The following ERGIC1 variants were observed in gnomAD, a reference collection of about 807,000 sequenced individuals.
The protein encoded by ERGIC1 is endoplasmic reticulum-golgi intermediate compartment 1, also known as endoplasmic reticulum-Golgi intermediate compartment protein 1.
In ERGIC1, 19 loss-of-function variants were observed where a neutral mutation model predicts 38.3. That is an observed-to-expected ratio of 0.50 (90% confidence interval 0.35 to 0.73). ERGIC1 has a LOEUF of 0.73. ERGIC1 is among the 30% of genes least tolerant of loss of function. ERGIC1 has a pLI of 0.01. For missense variants in ERGIC1, 294 were observed against 389.2 expected, an observed-to-expected ratio of 0.76 and a Z score of 2.06; for synonymous variants, 124 against 157.6, an observed-to-expected ratio of 0.79 and a Z score of 1.60.
Position 172,834,409 on chromosome 5 carries a change from G to T in ERGIC1, c.-5G>T. 7.5e-7 allele frequency: 1 copy of T among 1,333,920 alleles called. No homozygotes were observed. The allele number at this position is 1,333,920 out of a possible 1,614,324, so 82.6% of individuals were successfully genotyped here. A position where few individuals can be genotyped will look rare whatever the true frequency, so the allele number is the denominator to read the frequency against. On this transcript the variant is annotated 5_prime_UTR_variant, in exon 1 of 10. Coordinates refer to ENST00000393784, the MANE Select transcript of ERGIC1 (RefSeq NM_001031711.3). The surrounding 1 kb of genome is among the most constrained non-coding windows in gnomAD (Gnocchi z 4.1). ...TGCAGCGCTCCCACCCCCGGCGGCG[G>T]CACGATGCCCTTTGACTTCAGGAGG...
Position 172,914,741 on chromosome 5 carries a change from TG to T in ERGIC1, c.281del (p.Gly94AlafsTer12). On this transcript the variant is annotated frameshift_variant, in exon 5 of 10. Coordinates refer to ENST00000393784, the MANE Select transcript of ERGIC1 (RefSeq NM_001031711.3). LOFTEE classifies it high-confidence loss of function. ...ELVGLDIQDE[M>X]GRHEVGHIDN... ...GTTGGGCTTGACATTCAGGATGAGA[TG>T]GGCAGGCACGAAGTGGGCCACATCG... is the stretch of plus-strand genomic sequence containing the variant. 1 of 1,614,116 alleles carries T rather than the reference TG, an allele frequency of 6.2e-7. No homozygotes were observed. The highest frequency in any genetic ancestry group is 8.5e-7 in the Non-Finnish European group (1 of 1,180,024).
chr5:172,907,529 G>T (rs1763065464), intron 3 of ERGIC1, among the ~76,000 whole-genome samples: 1 of 151,924 alleles, frequency 6.6e-6, no homozygotes, highest in Admixed American at 6.5e-5. Flanking sequence ...CTGCACTCCA[G>T]CCTGAGGGAC....
rs185792985 is a variant in ERGIC1 at position 172,914,797 on chromosome 5, G to T, written c.334G>T (p.Gly112Trp). The T allele has an allele frequency of 1.9e-6, 3 of 1,614,214 alleles. No individual in the cohort carries two copies. In the East Asian group the frequency reaches 6.7e-5, roughly 36 times the overall value. The change falls in exon 5 of 10, where the codon GGG becomes TGG. Residue 112 changes from glycine (G) to tryptophan (W), a missense_variant. By Grantham distance (184) the Gly-to-Trp change is radical (BLOSUM62 -2). This residue lies in a region of ERGIC1 where 163 missense variants were observed against 225.8 expected (regional missense o/e 0.72). Coordinates refer to ENST00000393784, the MANE Select transcript of ERGIC1 (RefSeq NM_001031711.3). Reference sequence around the variant, plus strand: ...CTCCATGAAGATCCCGCTGAACAATGGGGCAGGCTGCCGCTTCGAGGGGCA... The same window carrying T: ...CTCCATGAAGATCCCGCTGAACAATTGGGCAGGCTGCCGCTTCGAGGGGCA... ...DNSMKIPLNN[G>W]AGCRFEGQFS...
At chr5:172,836,266 A>T (rs1761034014) in intron 1 of ERGIC1, among the ~76,000 whole-genome samples, 1 of 152,118 alleles carries the variant, frequency 6.6e-6, no homozygotes, top group Non-Finnish European at 1.5e-5. Flanking sequence ...TAAGGGAAGT[A>T]AGGAAAATGG....
chr5:172,889,405 T>TAA (rs575418861), intron 2 of ERGIC1, among the ~76,000 whole-genome samples: 5 of 147,294 alleles, frequency 3.4e-5, no homozygotes, highest in South Asian at 2.1e-4. Context: ...TTTTATCCAT[T>TAA]AAAAAAAAAA....
At chr5:172,925,416 T>C (rs1011358801) in intron 6 of ERGIC1, among the ~76,000 whole-genome samples, 1 of 152,178 alleles carries the variant, frequency 6.6e-6, no homozygotes, top group African/African-American at 2.4e-5. Context: ...AAACTTCCTT[T>C]TCCTTGTTGA....
chr5:172,927,946 T>C (rs926149091), intron 7 of ERGIC1, among the ~76,000 whole-genome samples: 4 of 152,198 alleles, frequency 2.6e-5, no homozygotes, highest in Admixed American at 6.5e-5. Context: ...TGTTACCCGA[T>C]TGCTTTCCAG....
At chr5:172,855,094 TC>T (rs1393487736) in intron 1 of ERGIC1, among the ~76,000 whole-genome samples, 4 of 152,112 alleles carry the variant, frequency 2.6e-5, no homozygotes, top group Non-Finnish European at 5.9e-5. Flanking sequence ...TGGGCTGTGT[TC>T]CCCCAACGGA....
chr5:172,897,857 G>A (rs755142056), intron 3 of ERGIC1: 6 of 414,016 alleles, frequency 1.4e-5, no homozygotes, highest in Non-Finnish European at 2.7e-5. Context: ...GTGAGGAATC[G>A]GTGCAGGCTT....
At chr5:172,935,053 G>T (rs562217644) in intron 8 of ERGIC1, 135 bp from the exon 9 acceptor site, 172 of 1,270,432 alleles carry the variant, frequency 1.4e-4, no homozygotes, top group Non-Finnish European at 1.8e-4. Context: ...GAGAGGGAGT[G>T]GGGGAGTCTG....
At chr5:172,866,142 A>T (rs1403106583) in intron 1 of ERGIC1, among the ~76,000 whole-genome samples, 1 of 152,236 alleles carries the variant, frequency 6.6e-6, no homozygotes, top group Non-Finnish European at 1.5e-5. Flanking sequence ...TAAATGTTCC[A>T]AGTGTTTCTG....
intron 1 of ERGIC1, among the ~76,000 whole-genome samples, chr5:172,841,099 T>C (rs1209606305): frequency 2.0e-5 from 3 of 152,236 alleles, no homozygotes; most frequent in African/African-American, 7.2e-5. Flanking sequence ...TAATTGATCC[T>C]TTAAGGAAGT....
At chr5:172,870,637 C>T (rs576873148) in intron 1 of ERGIC1, among the ~76,000 whole-genome samples, 24 of 152,352 alleles carry the variant, frequency 1.6e-4, no homozygotes, top group African/African-American at 5.3e-4. Context: ...GTGGGCTTTC[C>T]TCAAAGCAGG....
chr5:172,851,924 A>G (rs1204899486), intron 1 of ERGIC1, among the ~76,000 whole-genome samples: 2 of 152,174 alleles, frequency 1.3e-5, no homozygotes, highest in Admixed American at 1.3e-4. Context: ...TCAGCAGCTC[A>G]TATGAGTCCA....
At chr5:172,929,568 C>G (rs1763729756) in intron 7 of ERGIC1, among the ~76,000 whole-genome samples, 1 of 152,080 alleles carries the variant, frequency 6.6e-6, no homozygotes, top group African/African-American at 2.4e-5. Flanking sequence ...ATCAATTGTA[C>G]TCATAGGAGA....
chr5:172,921,681 A>G (rs1439243689), intron 5 of ERGIC1: 2 of 151,488 alleles, frequency 1.3e-5, no homozygotes, highest in Non-Finnish European at 2.9e-5. Context: ...AACAGCCCCA[A>G]CTCCTCCCTT....
chr5:172,894,601 C>T (rs961222797), intron 2 of ERGIC1, among the ~76,000 whole-genome samples: 5 of 152,168 alleles, frequency 3.3e-5, no homozygotes, highest in Non-Finnish European at 5.9e-5. Flanking sequence ...GCCCTTCACT[C>T]GGAGCCTAAG....
At chr5:172,905,197 T>G in intron 3 of ERGIC1, 1 of 237,358 alleles carries the variant, frequency 4.2e-6, no homozygotes. Context: ...GAAAGGTGAG[T>G]TGCTTCAAGG....
At chr5:172,915,740 C>T (rs1359139944) in intron 5 of ERGIC1, 1 of 428,062 alleles carries the variant, frequency 2.3e-6, no homozygotes. Flanking sequence ...CGAGGTCACA[C>T]AGCTATCTGC....
Sources: gnomAD v4.1 joint callset for allele counts (sites outside exome capture counted in the v4.1 genomes callset) on GRCh38, gnomAD v4.1.1 for gene constraint, gnomAD v4.1.1 regional missense constraint, Gnocchi (gnomAD v3.1) non-coding constraint, MANE v1.5 for transcripts, NCBI Gene and HGNC (gene_info 2026-07-23, HGNC 2026-07-21) for gene names.